The following LCORL variants were observed in gnomAD, a reference collection of about 807,000 sequenced individuals.
The protein encoded by LCORL is ligand-dependent nuclear receptor corepressor-like protein.
In LCORL, 41 loss-of-function variants were observed where a neutral mutation model predicts 141.8. The ratio of observed to expected loss-of-function variants is 0.29; its 90% CI spans 0.23 to 0.38. The LOEUF (loss-of-function observed/expected upper bound fraction) is 0.38. Ranked by LOEUF, LCORL falls within the 10% of genes least tolerant of loss-of-function variation. The pLI is 1.00. For synonymous variants in LCORL, 618 were observed against 694.1 expected, an observed-to-expected ratio of 0.89 and a Z score of 1.72; for missense variants, 1,759 against 2,035.0, an observed-to-expected ratio of 0.86 and a Z score of 2.61.
chr4:17,879,805 TAAAG>T (rs1560281586), intron 6 of LCORL, among the ~76,000 whole-genome samples: 1 of 151,110 alleles, frequency 6.6e-6, no homozygotes, highest in Non-Finnish European at 1.5e-5. Context: ...TATGGCATAA[TAAAG>T]AGAGAATTTA....
intron 4 of LCORL, among the ~76,000 whole-genome samples, chr4:17,932,838 T>C (rs6449346): frequency 0.24 from 35,867 of 152,114 alleles, 5,392 homozygotes; most frequent in African/African-American, 0.42. Flanking sequence ...TCACAGAAAA[T>C]GTTTGCTGAC....
At chr4:17,958,528 G>A (rs554338772) in intron 4 of LCORL, among the ~76,000 whole-genome samples, 2 of 151,990 alleles carry the variant, frequency 1.3e-5, no homozygotes, top group South Asian at 4.1e-4. Flanking sequence ...CATTTCATAA[G>A]GATATCTGTA....
At chr4:17,996,102 AT>A (rs1720883454) in intron 1 of LCORL, among the ~76,000 whole-genome samples, 1 of 152,142 alleles carries the variant, frequency 6.6e-6, no homozygotes, top group Non-Finnish European at 1.5e-5. Context: ...AACTAGAAAT[AT>A]ACAATTCAAA....
chr4:17,876,818 A>C, exon 7 of LCORL: 1 of 1,230,684 alleles, frequency 8.1e-7, no homozygotes, highest in African/African-American at 1.6e-5. Flanking sequence ...TCTCAGGGGA[A>C]GTTGTTTTAA....
At chr4:18,020,918 C>T (rs1194138441) in intron 1 of LCORL, among the ~76,000 whole-genome samples, 1 of 152,224 alleles carries the variant, frequency 6.6e-6, no homozygotes, top group Non-Finnish European at 1.5e-5. Flanking sequence ...AAATCCCAAC[C>T]GTCAGCGCTC....
chr4:18,017,773 A>G (rs180951388), intron 1 of LCORL, among the ~76,000 whole-genome samples: 1 of 152,318 alleles, frequency 6.6e-6, no homozygotes, highest in East Asian at 1.9e-4. Context: ...CAGAAAAAAT[A>G]GATAAACAGA....
At chr4:17,866,471 C>A (rs1725670699) in intron 7 of LCORL, among the ~76,000 whole-genome samples, 1 of 152,144 alleles carries the variant, frequency 6.6e-6, no homozygotes, top group African/African-American at 2.4e-5. Flanking sequence ...ACGCAGAAGA[C>A]AAACACTTTT....
At chr4:17,860,787 A>G in intron 7 of LCORL, among the ~76,000 whole-genome samples, 1 of 152,240 alleles carries the variant, frequency 6.6e-6, no homozygotes, top group East Asian at 1.9e-4. Context: ...AAATACAGCC[A>G]TTCCAAATTG....
chr4:18,009,647 A>C (rs952921648), intron 1 of LCORL, among the ~76,000 whole-genome samples: 5 of 152,002 alleles, frequency 3.3e-5, no homozygotes, highest in Non-Finnish European at 5.9e-5. Context: ...CCTGGTATCT[A>C]CTGGGGCCCT....
chr4:17,946,307 G>A (rs1477073837), intron 4 of LCORL, among the ~76,000 whole-genome samples: 1 of 151,770 alleles, frequency 6.6e-6, no homozygotes, highest in Non-Finnish European at 1.5e-5. Flanking sequence ...TACTGTATAT[G>A]GTATCCTAAA....
chr4:17,872,464 C>T (rs913556251), intron 7 of LCORL, among the ~76,000 whole-genome samples: 2 of 152,036 alleles, frequency 1.3e-5, no homozygotes, highest in African/African-American at 4.8e-5. Flanking sequence ...AATCTCATAG[C>T]GCTTTAAGAA....
chr4:17,962,948 AT>A lies in LCORL; in HGVS notation c.300+21del, dbSNP rs769189455. ...ACAATTGTGCATTAGTTTAAAGATA[AT>A]TTCATAGCACTAAAACTTACACTGA... On this transcript the variant is annotated intron_variant, in intron 3 of 7. Coordinates refer to ENST00000635767, the Ensembl canonical transcript of LCORL. 1.1e-5 allele frequency: 16 copies of A among 1,395,652 alleles called. No individual in the cohort carries two copies. The South Asian group carries it at 1.9e-4, about 17-fold the overall frequency. The allele number at this position is 1,395,652 out of a possible 1,614,324, so 86.5% of individuals were successfully genotyped here.
At chr4:17,878,194 A>C in exon 7 of LCORL, 2 of 1,229,616 alleles carry the variant, frequency 1.6e-6, no homozygotes, top group South Asian at 8.2e-5. Context: ...GCTTCCTCTG[A>C]TTTTGCATCA....
Position 18,006,944 on chromosome 4 carries a change from T to C in LCORL, c.154+14654A>G, listed in dbSNP as rs1053907042. ...GGCCTCCTAAACAGAAGCTTGGAAATGATTCTCTGTTCTTTCTCCTTTTTT... is the reference window on the plus strand; with the variant it reads ...GGCCTCCTAAACAGAAGCTTGGAAACGATTCTCTGTTCTTTCTCCTTTTTT... On this transcript the variant is annotated intron_variant, in intron 1 of 7. Transcript: ENST00000635767. Among the ~76,000 whole-genome samples, 124 of 152,174 alleles carry C rather than the reference T, an allele frequency of 8.1e-4. 1 individual carries two copies. Among genetic ancestry groups the C allele is most frequent in the African/African-American group, 2.7e-3 (113 of 41,420 alleles).
exon 8 of LCORL, chr4:17,843,173 T>TAAG: frequency 4.0e-6 from 4 of 1,001,992 alleles, no homozygotes; most frequent in Non-Finnish European, 5.8e-6. Flanking sequence ...AGTTTTAAGC[T>TAAG]AAGTCAATGG....
At chr4:17,990,762 C>T (rs1389910210) in intron 1 of LCORL, among the ~76,000 whole-genome samples, 1 of 151,364 alleles carries the variant, frequency 6.6e-6, no homozygotes, top group Non-Finnish European at 1.5e-5. Context: ...CCGGTCCTGG[C>T]CCTGACTGAG....
chr4:17,884,752 C>G lies in LCORL; in HGVS notation c.776+1316G>C. On this transcript the variant is annotated intron_variant, in intron 6 of 7. Transcript: ENST00000635767. The surrounding 1 kb of genome is among the most constrained non-coding windows in gnomAD (Gnocchi z 4.4). Reference sequence around the variant, plus strand: ...AGTCCTCTCTGTTTCTGTGTAGTCTCCTGGATGGATGGAATGAAACGATGG... The same window carrying G: ...AGTCCTCTCTGTTTCTGTGTAGTCTGCTGGATGGATGGAATGAAACGATGG... The G allele has an allele frequency of 7.0e-7, 1 of 1,436,244 alleles. No individual in the cohort carries two copies. Among genetic ancestry groups the G allele is most frequent in the Non-Finnish European group, 9.2e-7 (1 of 1,087,270 alleles). The allele number at this position is 1,436,244 out of a possible 1,614,324, so 89.0% of individuals were successfully genotyped here.
At chr4:17,903,277 T>C (rs1731147616) in intron 5 of LCORL, among the ~76,000 whole-genome samples, 1 of 152,084 alleles carries the variant, frequency 6.6e-6, no homozygotes. Flanking sequence ...TTTACTATAA[T>C]GAAAGTTCTA....
At chr4:17,874,736 T>A in exon 7 of LCORL, 3 of 1,233,986 alleles carry the variant, frequency 2.4e-6, no homozygotes, top group Non-Finnish European at 3.0e-6. Flanking sequence ...AAGGGTTTGA[T>A]GAAATTATAG....
Sources: gnomAD v4.1 joint callset for allele counts (sites outside exome capture counted in the v4.1 genomes callset) on GRCh38, gnomAD v4.1.1 for gene constraint, Gnocchi (gnomAD v3.1) non-coding constraint, MANE v1.5 for transcripts, NCBI Gene and HGNC (gene_info 2026-07-23, HGNC 2026-07-21) for gene names.